The following MFRP variants were observed in gnomAD, a reference collection of about 807,000 sequenced individuals.
MFRP encodes C1q and TNF related 5.
Under a neutral mutation model 65.8 loss-of-function variants are expected in MFRP, and 74 were observed. The ratio of observed to expected loss-of-function variants is 1.12; its 90% confidence interval spans 0.93 to 1.36. The LOEUF (loss-of-function observed/expected upper bound fraction) is 1.36. Ranked by LOEUF, MFRP falls within the 40% of genes most tolerant of loss-of-function variation. The pLI, the probability that MFRP is intolerant of heterozygous loss-of-function variation, is 0.00. For synonymous variants in MFRP, 336 were observed against 288.3 expected (o/e 1.17, Z -1.68); for missense variants, 838 against 736.0 (o/e 1.14, Z -1.60).
rs1950504757 is a variant in MFRP, at chr11:119,341,737, C to T, written c.1551G>A (p.Arg517=). 1 of 1,613,360 alleles carries T rather than the reference C, an allele frequency of 6.2e-7. No homozygotes were observed. The highest frequency in any genetic ancestry group is 1.3e-5 in the African/African-American group (1 of 75,044). ...GCACAAGCAGCCCACACAGGAGCCT[C>T]CGGAAATGCTGGTAGCAGGGCAGGC... ...LTSLPCYQHF[R]RLLCGLLVPR... The change falls in exon 13 of 15, where the codon CGG becomes CGA. Residue 517 remains arginine, a synonymous_variant. Coordinates refer to ENST00000619721, the MANE Select transcript of MFRP (RefSeq NM_031433.4).
At position 119,339,759 on chromosome 11, in the gene MFRP, G is replaced by C; in HGVS notation, c.*1200C>G. 1 of 1,587,318 alleles carries C rather than the reference G, an allele frequency of 6.3e-7. No individual in the cohort carries two copies. Among genetic ancestry groups the C allele is most frequent in the Non-Finnish European group, 8.5e-7 (1 of 1,174,062 alleles). On this transcript the variant is annotated 3_prime_UTR_variant, in exon 15 of 15. Transcript: ENST00000619721. The surrounding 1 kb of genome is among the most constrained non-coding windows in gnomAD (Gnocchi z 5.4). ...CGCTTGGCGCTGAAGGCGGATCGCGGAGGCACCGAGCACTCCCCGGCAGGC... is the reference window on the plus strand; with the variant it reads ...CGCTTGGCGCTGAAGGCGGATCGCGCAGGCACCGAGCACTCCCCGGCAGGC...
chr11:119,345,963 G>A lies in MFRP; in HGVS notation c.272-35C>T, dbSNP rs111578461. On this transcript the variant is annotated intron_variant, in intron 3 of 14. Coordinates refer to ENST00000619721, the MANE Select transcript of MFRP (RefSeq NM_031433.4). ...AGAAGATGGAGGGTGGCGTTCAGAG[G>A]AGCTGGGTCCTGGGAGGCTGGGAGA... 6.8e-3 allele frequency: 11,025 copies of A among 1,613,642 alleles called. 116 individuals carry two copies. Among genetic ancestry groups the A allele is most frequent in the Non-Finnish European group, 6.2e-3 (7,293 of 1,179,944 alleles).
chr11:119,339,717 G>A lies in MFRP; in HGVS notation c.*1242C>T, dbSNP rs1950478391. On this transcript the variant is annotated 3_prime_UTR_variant, in exon 15 of 15. Coordinates refer to ENST00000619721, the MANE Select transcript of MFRP (RefSeq NM_031433.4). This position sits in a 1 kb window ranked among gnomAD's most constrained non-coding sequence, Gnocchi z 5.4. Reference sequence around the variant, plus strand: ...GGCAAGGGTGCGTCAGACGGCGGAGGCACCCGGCTCTCGGAGCGCTTGGCG... The same window carrying A: ...GGCAAGGGTGCGTCAGACGGCGGAGACACCCGGCTCTCGGAGCGCTTGGCG... 4 of 1,602,726 alleles carry A rather than the reference G, an allele frequency of 2.5e-6. No homozygotes were observed. The highest frequency in any genetic ancestry group is 1.3e-5 in the African/African-American group (1 of 74,914).
chr11:119,341,113 C>A lies in MFRP; in HGVS notation c.*435G>T, dbSNP rs958429816. On this transcript the variant is annotated 3_prime_UTR_variant, in exon 13 of 15. Transcript: ENST00000619721. ...CCAGACCCCATTTCAGGGAGAAATA[C>A]GCAGAGAGATGAGGGTGGAGAGTTC... 1.4e-5 allele frequency: 3 copies of A among 212,562 alleles called. No individual in the cohort carries two copies. The highest frequency in any genetic ancestry group is 2.9e-5 in the Non-Finnish European group (3 of 104,586). 13.2% of individuals were successfully genotyped at this position (212,562 alleles called of 1,614,324 possible). A position where few individuals can be genotyped will look rare whatever the true frequency, so the allele number is the denominator to read the frequency against.
chr11:119,339,553 C>T lies in MFRP; in HGVS notation c.*1406G>A, dbSNP rs1950474937. The T allele has an allele frequency of 3.7e-6, 6 of 1,613,558 alleles. No homozygotes were observed. The highest frequency in any genetic ancestry group is 5.1e-6 in the Non-Finnish European group (6 of 1,180,048). ...AGAAAGAGGCAATGGATTCGCCATT[C>T]TTCACCAGATCAAACTGCAGGCTGG... On this transcript the variant is annotated 3_prime_UTR_variant, in exon 15 of 15. Coordinates refer to ENST00000619721, the MANE Select transcript of MFRP (RefSeq NM_031433.4). The surrounding 1 kb of genome is among the most constrained non-coding windows in gnomAD (Gnocchi z 5.4).
chr11:119,340,055 G>T, intron 14 of MFRP, 129 bp downstream of exon 14: 2 of 1,294,806 alleles, frequency 1.5e-6, no homozygotes, highest in Non-Finnish European at 2.0e-6. Flanking sequence ...CCCCTCCCCC[G>T]CTCAGGGCTG....
chr11:119,342,021 C>T (rs1361299187), intron 11 of MFRP, 37 bp from the exon 12 acceptor site: 2 of 1,611,568 alleles, frequency 1.2e-6, no homozygotes, highest in Admixed American at 1.7e-5. Flanking sequence ...GTGGGGACTG[C>T]TCACTGGCTC....
chr11:119,344,989 C>A lies in MFRP; in HGVS notation c.657G>T (p.Val219=), dbSNP rs763672504. 3 of 1,605,678 alleles carry A rather than the reference C, an allele frequency of 1.9e-6. No homozygotes were observed. The Admixed American group carries it at 5.1e-5, about 28-fold the overall frequency. The change falls in exon 6 of 15, where the codon GTG becomes GTT. Residue 219 remains valine (V), a synonymous_variant. Coordinates refer to ENST00000619721, the MANE Select transcript of MFRP (RefSeq NM_031433.4). ...CATTGGTGTTGAGCGTGGGGGGAGG[C>A]ACCCTTCCACAAACCCTGCAAGAAG... ...EGPLLRVCGR[V]PPPTLNTNAS... is the part of the protein sequence containing the mutation.
Position 119,341,646 on chromosome 11 carries a change from G to A in MFRP, c.1642C>T (p.Gln548Ter). The A allele has an allele frequency of 6.2e-7, 1 of 1,613,012 alleles. No homozygotes were observed. Residue 548 changes from glutamine (Q) to a stop codon, truncating the protein, a stop_gained, in exon 13 of 15, where the codon CAG becomes TAG. Coordinates refer to ENST00000619721, the MANE Select transcript of MFRP (RefSeq NM_031433.4). LOFTEE classifies it high-confidence loss of function. Reference protein sequence around the residue: ...CRSVCQEAEHQCQSGLALLGT... With the variant: ...CRSVCQEAEH ...AGTAGTGCCAGGCCAGACTGGCACTGGTGCTCCGCTTCCTGGCAGACAGAG... is the reference window on the plus strand; with the variant it reads ...AGTAGTGCCAGGCCAGACTGGCACTAGTGCTCCGCTTCCTGGCAGACAGAG...
Position 119,345,433 on chromosome 11 carries a change from C to T in MFRP, c.628G>A (p.Gly210Ser), listed in dbSNP as rs866080615. ...AGAGGGACCTACCTGAGGAGGGGGC[C>T]TTCAGGCTCAGGGGAGAGTTCCAAG... ...DRLELSPEPE[G>S]PLLRVCGRVP... Residue 210 changes from glycine to serine, a missense_variant, in exon 5 of 15, where the codon GGC becomes AGC. Coordinates refer to ENST00000619721, the MANE Select transcript of MFRP (RefSeq NM_031433.4). 6.2e-7 allele frequency: 1 copy of T among 1,613,950 alleles called. No individual in the cohort carries two copies. The highest frequency in any genetic ancestry group is 8.5e-7 in the Non-Finnish European group (1 of 1,180,036).
chr11:119,343,858 A>G lies in MFRP; in HGVS notation c.1082T>C (p.Val361Ala), dbSNP rs750567143. ...GGCCCCTGAGCTGCTGGTCTCATACACCTCCACGTAGTCAAACTTGCACTC... is the reference window on the plus strand; with the variant it reads ...GGCCCCTGAGCTGCTGGTCTCATACGCCTCCACGTAGTCAAACTTGCACTC... ...QDECKFDYVE[V>A]YETSSSGAFS... Residue 361 changes from valine (V) to alanine (A), a missense_variant, in exon 9 of 15, where the codon GTG becomes GCG. By Grantham distance (64) the Val-to-Ala change is moderately conservative. Transcript: ENST00000619721. 4 of 1,613,402 alleles carry G rather than the reference A, an allele frequency of 2.5e-6. No homozygotes were observed. The highest frequency in any genetic ancestry group is 1.7e-5 in the Admixed American group (1 of 59,946).
At position 119,342,915 on chromosome 11, in the gene MFRP, C is replaced by G. The variant is rs1752828216; in HGVS notation, c.1213G>C (p.Gly405Arg). ...LFRTDHGISS[G>R]GFSATYLAFN... ...GCCAGGTAGGTGGCTGAGAAGCCTCCACTGCTGATGCCATGATCTGTCCTA... is the reference window on the plus strand; with the variant it reads ...GCCAGGTAGGTGGCTGAGAAGCCTCGACTGCTGATGCCATGATCTGTCCTA... Residue 405 changes from glycine (G) to arginine (R), a missense_variant, in exon 10 of 15, where the codon GGA becomes CGA. Transcript: ENST00000619721. 1.9e-6 allele frequency: 3 copies of G among 1,612,876 alleles called. No homozygotes were observed. The South Asian group carries it at 3.3e-5, about 18-fold the overall frequency.
At position 119,344,939 on chromosome 11, in the gene MFRP, A is replaced by G; in HGVS notation, c.707T>C (p.Val236Ala). 6.2e-7 allele frequency: 1 copy of G among 1,610,958 alleles called. No individual in the cohort carries two copies. The highest frequency in any genetic ancestry group is 8.5e-7 in the Non-Finnish European group (1 of 1,179,068). Residue 236 changes from valine to alanine, a missense_variant, in exon 6 of 15, where the codon GTC becomes GCC. By Grantham distance (64) the Val-to-Ala change is moderately conservative. Coordinates refer to ENST00000619721, the MANE Select transcript of MFRP (RefSeq NM_031433.4). ...AAATCCTTCCACACTGCTGTCAGAG[A>G]CGAAGACCACCAGGAGGTGGCTGGC... ...TNASHLLVVF[V>A]SDSSVEGFGF...
Position 119,339,026 on chromosome 11 carries a change from G to A in MFRP, c.*1933C>T. The A allele has an allele frequency of 3.0e-6, 1 of 329,584 alleles. No individual in the cohort carries two copies. Among genetic ancestry groups the A allele is most frequent in the Non-Finnish European group, 5.6e-6 (1 of 178,838 alleles). 20.4% of individuals were successfully genotyped at this position (329,584 alleles called of 1,614,324 possible). A position where few individuals can be genotyped will look rare whatever the true frequency, so the allele number is the denominator to read the frequency against. On this transcript the variant is annotated 3_prime_UTR_variant, in exon 15 of 15. Transcript: ENST00000619721. This position sits in a 1 kb window ranked among gnomAD's most constrained non-coding sequence, Gnocchi z 5.4. ...GGGGTGGGGAGGATCCAGAGAAGCA[G>A]AGGACCAGGAAGAGAGCACCCCACC...
At chr11:119,343,790 C>T (rs1220897902) in intron 9 of MFRP, 26 bp downstream of exon 9, 3 of 1,613,454 alleles carry the variant, frequency 1.9e-6, no homozygotes, top group African/African-American at 1.3e-5. Flanking sequence ...ATGGAGTTAT[C>T]CATGGCTCTT....
In MFRP at chr11:119,346,678, T is replaced by G; in HGVS notation, c.-165A>C. 7.0e-6 allele frequency: 5 copies of G among 715,492 alleles called. No individual in the cohort carries two copies. The highest frequency in any genetic ancestry group is 1.5e-5 in the South Asian group (1 of 64,960). The allele number at this position is 715,492 out of a possible 1,614,324, so 44.3% of individuals were successfully genotyped here. On this transcript the variant is annotated 5_prime_UTR_variant, in exon 1 of 15. Transcript: ENST00000619721. ...TTGGGCTGTCCTTGGTAGAGTGGTT[T>G]GGCCTATGGGCTACTCTGTCTCTGT...
At chr11:119,340,579 A>G in intron 13 of MFRP, 116 bp downstream of exon 13, 1 of 630,640 alleles carries the variant, frequency 1.6e-6, no homozygotes, top group East Asian at 3.2e-5. Flanking sequence ...GCATCCGGAG[A>G]GCACAGGCAG....
In MFRP at chr11:119,341,719, C is replaced by G; in HGVS notation, c.1569G>C (p.Leu523=). The change falls in exon 13 of 15, where the codon CTG becomes CTC. Residue 523 remains leucine (L), a synonymous_variant. Coordinates refer to ENST00000619721, the MANE Select transcript of MFRP (RefSeq NM_031433.4). ...CTAGTGGGGTGCAACGGGGCACAAG[C>G]AGCCCACACAGGAGCCTCCGGAAAT... The part of the protein sequence containing the change: ...YQHFRRLLCG[L]LVPRCTPLGS... 1 of 1,613,240 alleles carries G rather than the reference C, an allele frequency of 6.2e-7. No homozygotes were observed. Among genetic ancestry groups the G allele is most frequent in the Non-Finnish European group, 8.5e-7 (1 of 1,180,028 alleles).
rs3814765 is a variant in MFRP, at chr11:119,341,536, C to T, written c.*12G>A. ...AGGACGGGCAGGAAGAGGGCAGGGG[C>T]CGGCTTCAGGGTCAGGGCTGGGCAC... On this transcript the variant is annotated 3_prime_UTR_variant, in exon 13 of 15. Coordinates refer to ENST00000619721, the MANE Select transcript of MFRP (RefSeq NM_031433.4). 1.0e-4 allele frequency: 162 copies of T among 1,609,102 alleles called. No individual in the cohort carries two copies. The East Asian group carries it at 3.5e-3, about 35-fold the overall frequency.
Sources: gnomAD v4.1 joint callset for allele counts on GRCh38, gnomAD v4.1.1 for gene constraint, Gnocchi (gnomAD v3.1) non-coding constraint, MANE v1.5 for transcripts, NCBI Gene and HGNC (gene_info 2026-07-23, HGNC 2026-07-21) for gene names.